Variants in ACOT12 observed in about 807,000 individuals in gnomAD.
The protein encoded by ACOT12 is acyl-CoA thioesterase 12.
A neutral mutation model predicts 67.7 loss-of-function variants in ACOT12; 51 were observed. The observed-to-expected ratio is 0.75, with a 90% confidence interval of 0.60 to 0.95. The LOEUF is 0.95. Ranked by LOEUF, ACOT12 falls within the 40% of genes least tolerant of loss-of-function variation. The probability of loss-of-function intolerance (pLI) is 0.00; values close to 1 mark genes in which losing one functional copy is unlikely to be tolerated. For synonymous variants in ACOT12, 251 were observed against 244.6 expected, an observed-to-expected ratio of 1.03 and a Z score of -0.24; for missense variants, 734 against 708.1, an observed-to-expected ratio of 1.04 and a Z score of -0.41.
intron 2 of ACOT12, among the ~76,000 whole-genome samples, chr5:81,373,328 C>CT (rs1397480568): frequency 1.3e-5 from 2 of 152,324 alleles, no homozygotes; most frequent in African/African-American, 4.8e-5. Context: ...GAATGGTGCA[C>CT]TCTGGCCCAG....
downstream of ACOT12, among the ~76,000 whole-genome samples, chr5:81,329,527 C>G (rs1758751577): frequency 1.3e-5 from 2 of 152,148 alleles, no homozygotes; most frequent in Non-Finnish European, 2.9e-5. Context: ...CTTTAGCAAA[C>G]TAACAGCAGG....
chr5:81,322,465 A>AAAC, the ACOT12 span, among the ~76,000 whole-genome samples: 6 of 8,508 alleles, frequency 7.1e-4, no homozygotes, highest in African/African-American at 1.1e-3. Flanking sequence ...CTCAAAAAAT[A>AAAC]AACAAAAAAA....
intron 1 of ACOT12, among the ~76,000 whole-genome samples, chr5:81,386,995 A>ATTTTTTTTTTTTT (rs869281800): frequency 7.4e-5 from 6 of 81,336 alleles, no homozygotes; most frequent in Non-Finnish European, 8.0e-5. Flanking sequence ...GATGAGTTCC[A>ATTTTTTTTTTTTT]TTTTTTTTTT....
At chr5:81,378,320 T>C (rs140787967) in intron 2 of ACOT12, among the ~76,000 whole-genome samples, 3,107 of 152,196 alleles carry the variant, frequency 0.02, 47 homozygotes, top group Non-Finnish European at 0.03. Flanking sequence ...CCTTACACCT[T>C]ATACAAAAAT....
intron 2 of ACOT12, among the ~76,000 whole-genome samples, chr5:81,379,075 C>T (rs527632932): frequency 4.6e-5 from 7 of 152,182 alleles, no homozygotes; most frequent in African/African-American, 1.7e-4. Flanking sequence ...GACTTGGAAC[C>T]AACCCAAATG....
chr5:81,341,346 CAGA>C (rs1328178584), intron 11 of ACOT12, among the ~76,000 whole-genome samples: 1 of 152,144 alleles, frequency 6.6e-6, no homozygotes, highest in Non-Finnish European at 1.5e-5. Flanking sequence ...ACAAAACATT[CAGA>C]AGAAGTCAAA....
chr5:81,316,871 A>T, the ACOT12 span, among the ~76,000 whole-genome samples: 1,191 of 152,306 alleles, frequency 7.8e-3, 13 homozygotes, highest in African/African-American at 0.027. Flanking sequence ...AGAAAAGTCC[A>T]TTCAAATTCT....
In ACOT12 at chr5:81,348,280, G is replaced by A. The variant is rs190245417; in HGVS notation, c.497-350C>T. ...GACAGGAAGGGGCAGAAATGTTGGG[G>A]GTGATGGATATGTCATTATCTTGAT... On this transcript the variant is annotated intron_variant, in intron 5 of 14. Transcript: ENST00000307624. Among the ~76,000 whole-genome samples the A allele has an allele frequency of 9.2e-5, 14 of 152,222 alleles. No homozygotes were observed. In the East Asian group the frequency reaches 2.3e-3, roughly 25 times the overall value.
Position 81,344,216 on chromosome 5 carries a change from C to T in ACOT12, c.925-1G>A, listed in dbSNP as rs768762945. On this transcript the variant is annotated splice_acceptor_variant, in intron 8 of 14. Coordinates refer to ENST00000307624, the MANE Select transcript of ACOT12 (RefSeq NM_130767.3). LOFTEE classifies it high-confidence loss of function. ...CTCCCCGATAGCGTCTGAAATCATC[C>T]TTTAATCAAAAACAAAGTAAAATCA... 4 of 1,612,364 alleles carry T rather than the reference C, an allele frequency of 2.5e-6. No homozygotes were observed. The highest frequency in any genetic ancestry group is 1.1e-5 in the South Asian group (1 of 90,628).
chr5:81,334,126 C>T (rs1013958032), intron 12 of ACOT12, among the ~76,000 whole-genome samples: 1 of 152,172 alleles, frequency 6.6e-6, no homozygotes, highest in Non-Finnish European at 1.5e-5. Flanking sequence ...CTTCTGGCTC[C>T]CCATCCATCT....
intron 11 of ACOT12, among the ~76,000 whole-genome samples, chr5:81,338,055 G>A (rs1240004317): frequency 6.6e-6 from 1 of 152,194 alleles, no homozygotes; most frequent in Non-Finnish European, 1.5e-5. Flanking sequence ...TTGCCCTGCT[G>A]TATAAATCAA....
the ACOT12 span, among the ~76,000 whole-genome samples, chr5:81,314,096 T>TTG: frequency 2.0e-3 from 298 of 151,792 alleles, 3 homozygotes; most frequent in Admixed American, 2.1e-3. Flanking sequence ...GGATTACTTT[T>TTG]TGTGTGTGTG....
At chr5:81,368,598 C>T (rs936199903) in intron 3 of ACOT12, among the ~76,000 whole-genome samples, 4 of 151,802 alleles carry the variant, frequency 2.6e-5, no homozygotes, top group Admixed American at 1.3e-4. Context: ...TCTAGACAGA[C>T]TAGAGGTCAG....
chr5:81,334,872 AT>A (rs1758947487), intron 12 of ACOT12, among the ~76,000 whole-genome samples: 1 of 152,066 alleles, frequency 6.6e-6, no homozygotes, highest in South Asian at 2.1e-4. Context: ...AGGAGATTGG[AT>A]TAGGGATGCA....
At chr5:81,372,196 T>C (rs756456911) in intron 2 of ACOT12, among the ~76,000 whole-genome samples, 1 of 152,328 alleles carries the variant, frequency 6.6e-6, no homozygotes. Flanking sequence ...AATACATAAA[T>C]GGACAAATAT....
chr5:81,340,064 G>A (rs1416387974), intron 11 of ACOT12, among the ~76,000 whole-genome samples: 2 of 151,580 alleles, frequency 1.3e-5, no homozygotes, highest in African/African-American at 4.9e-5. Flanking sequence ...TTGATATAGG[G>A]TCTCACTCTG....
intron 1 of ACOT12, among the ~76,000 whole-genome samples, chr5:81,388,233 A>G (rs934923045): frequency 6.6e-6 from 1 of 152,224 alleles, no homozygotes; most frequent in Non-Finnish European, 1.5e-5. Flanking sequence ...GTGGCTAAAT[A>G]TGGGTTTCAG....
At chr5:81,341,419 G>A (rs1037913380) in intron 11 of ACOT12, among the ~76,000 whole-genome samples, 1 of 152,238 alleles carries the variant, frequency 6.6e-6, no homozygotes, top group African/African-American at 2.4e-5. Context: ...TAAAGGTAAA[G>A]TAACAATATA....
At chr5:81,326,848 A>G (rs1414723625), downstream of ACOT12, among the ~76,000 whole-genome samples, 2 of 152,226 alleles carry the variant, frequency 1.3e-5, no homozygotes, top group Admixed American at 6.5e-5. Flanking sequence ...ACACTCAGCA[A>G]GAATGTGCAA....
Sources: allele counts gnomAD v4.1 joint callset (sites outside exome capture counted in the v4.1 genomes callset), GRCh38; gene constraint gnomAD v4.1.1; transcripts MANE v1.5; gene names NCBI Gene and HGNC (gene_info 2026-07-23, HGNC 2026-07-21).